AUTS2: variants seen among roughly 807,000 people sequenced by gnomAD.
AUTS2 encodes activator of transcription and developmental regulator AUTS2.
AUTS2 carries 17 observed loss-of-function variants against 112.4 expected under a neutral mutation model. The ratio of observed to expected loss-of-function variants is 0.15; its 90% CI spans 0.10 to 0.23. The LOEUF is 0.23. AUTS2 is among the 10% of genes least tolerant of loss of function. The pLI, the probability that AUTS2 is intolerant of heterozygous loss-of-function variation, is 1.00. For missense variants in AUTS2, 1,510 were observed against 1,701.6 expected (o/e 0.89, Z 1.98); for synonymous variants, 751 against 702.7 (o/e 1.07, Z -1.09).
chr7:69,848,432 G>C (rs1343950048), intron 1 of AUTS2, among the ~76,000 whole-genome samples: 2 of 152,308 alleles, frequency 1.3e-5, no homozygotes, highest in Non-Finnish European at 2.9e-5. Context: ...TGTTTTACAA[G>C]GGAATTAAAT....
intron 1 of AUTS2, among the ~76,000 whole-genome samples, chr7:69,648,647 T>C (rs1213118429): frequency 6.6e-6 from 1 of 152,134 alleles, no homozygotes; most frequent in East Asian, 1.9e-4. Flanking sequence ...ATCTCACCTG[T>C]ACTTGGTATA....
At chr7:69,686,180 G>A (rs1797055606) in intron 1 of AUTS2, among the ~76,000 whole-genome samples, 1 of 152,140 alleles carries the variant, frequency 6.6e-6, no homozygotes, top group African/African-American at 2.4e-5. Context: ...TTCCCCAGGA[G>A]ATAGTTTCCC....
intron 12 of AUTS2, 189 bp downstream of exon 12, chr7:70,774,288 T>G (rs1304258926): frequency 1.7e-6 from 1 of 596,132 alleles, no homozygotes; most frequent in Non-Finnish European, 3.0e-6. Flanking sequence ...ACTGCGAGCA[T>G]AGGACACAAA....
chr7:70,632,523 T>C (rs1805315412), intron 5 of AUTS2, among the ~76,000 whole-genome samples: 1 of 151,830 alleles, frequency 6.6e-6, no homozygotes, highest in African/African-American at 2.4e-5. Flanking sequence ...GACTGCTGTC[T>C]GCAGGCACAG....
intron 4 of AUTS2, among the ~76,000 whole-genome samples, chr7:70,327,789 A>G (rs560445953): frequency 6.6e-6 from 1 of 152,310 alleles, no homozygotes; most frequent in East Asian, 1.9e-4. Context: ...TATGTTGTCA[A>G]CTGAACCACA....
At chr7:70,291,927 C>G (rs1788725881) in intron 4 of AUTS2, 1 of 152,166 alleles carries the variant, frequency 6.6e-6, no homozygotes, top group African/African-American at 2.4e-5. Flanking sequence ...TAAGCAAAAC[C>G]GTCATTCACA....
At chr7:70,068,749 C>T (rs578048144) in intron 2 of AUTS2, among the ~76,000 whole-genome samples, 1 of 152,332 alleles carries the variant, frequency 6.6e-6, no homozygotes, top group South Asian at 2.1e-4. Flanking sequence ...CTCCTCAGAT[C>T]TTTGGCTGAC....
chr7:70,105,085 A>G (rs1804698079), intron 2 of AUTS2, among the ~76,000 whole-genome samples: 1 of 152,214 alleles, frequency 6.6e-6, no homozygotes, highest in Admixed American at 6.5e-5. Context: ...TGATGGCTAT[A>G]CAGACTACTG....
At chr7:70,083,843 A>G (rs550546228) in intron 2 of AUTS2, among the ~76,000 whole-genome samples, 15 of 152,274 alleles carry the variant, frequency 9.9e-5, no homozygotes, top group Admixed American at 9.8e-4. Flanking sequence ...GCTACTCAGG[A>G]GGCTGAGGTG....
intron 2 of AUTS2, among the ~76,000 whole-genome samples, chr7:70,002,596 T>C (rs1487076688): frequency 6.6e-6 from 1 of 152,150 alleles, no homozygotes; most frequent in East Asian, 1.9e-4. Context: ...TGATTATGTT[T>C]GAAAATCCAA....
intron 5 of AUTS2, among the ~76,000 whole-genome samples, chr7:70,496,172 C>G (rs1225772785): frequency 5.7e-5 from 5 of 87,378 alleles, no homozygotes; most frequent in East Asian, 3.4e-4. Flanking sequence ...TACACAGTCA[C>G]ACACACACAC....
At chr7:69,732,052 C>A (rs549841504) in intron 1 of AUTS2, among the ~76,000 whole-genome samples, 3 of 151,744 alleles carry the variant, frequency 2.0e-5, no homozygotes, top group Admixed American at 2.0e-4. Context: ...ACAGTAGATG[C>A]TGTAAGGTTG....
At chr7:70,078,984 C>T (rs935711359) in intron 2 of AUTS2, among the ~76,000 whole-genome samples, 8 of 152,126 alleles carry the variant, frequency 5.3e-5, no homozygotes, top group African/African-American at 1.9e-4. Flanking sequence ...TTTTCTCCCT[C>T]AGCTTCTTTT....
chr7:70,079,554 T>A (rs1803200394), intron 2 of AUTS2, among the ~76,000 whole-genome samples: 1 of 152,082 alleles, frequency 6.6e-6, no homozygotes, highest in Non-Finnish European at 1.5e-5. Context: ...TATAATTTAC[T>A]TAATTGTAAT....
chr7:69,616,484 T>C (rs1057401761), intron 1 of AUTS2, among the ~76,000 whole-genome samples: 27 of 152,252 alleles, frequency 1.8e-4, no homozygotes, highest in African/African-American at 6.0e-4. Context: ...GACCACCCCC[T>C]GAATCCTGCC....
In AUTS2 at chr7:70,149,166, G is replaced by T. The variant is rs142972731; in HGVS notation, c.660+14595G>T. On this transcript the variant is annotated intron_variant, in intron 4 of 18. Transcript: ENST00000342771. ...ATTATTGCTAGTTTGAAATGAATCA[G>T]CAAGTCAGCATTTTAAATTTTTTTA... 1.2e-4 allele frequency among the ~76,000 whole-genome samples: 19 copies of T among 152,142 alleles called. No individual in the cohort carries two copies. The East Asian group carries it at 3.7e-3, about 29-fold the overall frequency.
At chr7:69,994,038 G>A (rs1303579354) in intron 2 of AUTS2, among the ~76,000 whole-genome samples, 1 of 152,082 alleles carries the variant, frequency 6.6e-6, no homozygotes, top group Non-Finnish European at 1.5e-5. Context: ...ACATGGCCGT[G>A]TGGAGCTTCA....
At chr7:70,018,345 A>G (rs2129554973) in intron 2 of AUTS2, among the ~76,000 whole-genome samples, 1 of 152,310 alleles carries the variant, frequency 6.6e-6, no homozygotes, top group African/African-American at 2.4e-5. Flanking sequence ...ATCATTTAAA[A>G]AAATCAGTGA....
chr7:70,244,918 G>A (rs1408677882), intron 4 of AUTS2, among the ~76,000 whole-genome samples: 1 of 151,894 alleles, frequency 6.6e-6, no homozygotes, highest in Non-Finnish European at 1.5e-5. Flanking sequence ...TGAGGAGTTT[G>A]TGACCAGTCT....
Sources: allele counts gnomAD v4.1 joint callset (sites outside exome capture counted in the v4.1 genomes callset), GRCh38; gene constraint gnomAD v4.1.1; transcripts MANE v1.5; gene names NCBI Gene and HGNC (gene_info 2026-07-23, HGNC 2026-07-21).